Variants in CERT1 observed in about 807,000 individuals in gnomAD.
CERT1 encodes the protein ceramide transporter 1, also known as ceramide transfer protein.
In CERT1, 31 loss-of-function variants were observed where a neutral mutation model predicts 87.9. The ratio of observed to expected loss-of-function variants is 0.35; its 90% CI spans 0.27 to 0.48. The LOEUF is 0.48. Among genes scored for constraint, CERT1 ranks in the 20% least tolerant of loss-of-function variants. The probability of loss-of-function intolerance (pLI) is 0.99; values close to 1 mark genes in which losing one functional copy is unlikely to be tolerated. For missense variants in CERT1, 487 were observed against 758.0 expected, an observed-to-expected ratio of 0.64 and a Z score of 4.20; for synonymous variants, 289 against 250.9, an observed-to-expected ratio of 1.15 and a Z score of -1.44.
chr5:75,440,771 A>G (rs553991586), intron 3 of CERT1, among the ~76,000 whole-genome samples: 6 of 99,668 alleles, frequency 6.0e-5, no homozygotes, highest in African/African-American at 5.0e-4. Context: ...ATGACCATCC[A>G]AAGTAAAAAA....
chr5:75,443,681 C>T (rs1764414441), intron 3 of CERT1, among the ~76,000 whole-genome samples: 1 of 152,042 alleles, frequency 6.6e-6, no homozygotes, highest in African/African-American at 2.4e-5. Flanking sequence ...TCTTTTAGAC[C>T]TAGTTGGTAT....
At position 75,511,246 on chromosome 5, in the gene CERT1, C is replaced by A. The variant is rs751506112; in HGVS notation, c.-39G>T. On this transcript the variant is annotated 5_prime_UTR_variant, in exon 1 of 17. Transcript: ENST00000643780. Reference sequence around the variant, plus strand: ...CCGAGCAGGAGACCGGCCCCCGCTCCCTCAGCTGCGCCGGAGGAGGCGCCC... The same window carrying A: ...CCGAGCAGGAGACCGGCCCCCGCTCACTCAGCTGCGCCGGAGGAGGCGCCC... 8.7e-6 allele frequency: 14 copies of A among 1,606,966 alleles called. No homozygotes were observed. Among genetic ancestry groups the A allele is most frequent in the East Asian group, 6.7e-5 (3 of 44,588 alleles).
chr5:75,404,432 A>T (rs1053182461), intron 8 of CERT1, among the ~76,000 whole-genome samples: 1 of 152,162 alleles, frequency 6.6e-6, no homozygotes, highest in African/African-American at 2.4e-5. Flanking sequence ...AAAAATAGTA[A>T]CAACACCCTA....
intron 9 of CERT1, 182 bp from the exon 10 acceptor site, chr5:75,400,479 A>G: frequency 1.9e-6 from 1 of 525,030 alleles, no homozygotes; most frequent in South Asian, 3.1e-5. Flanking sequence ...CAGATATCCC[A>G]ATTTAACCTC....
chr5:75,487,237 A>G (rs976200761), intron 2 of CERT1, among the ~76,000 whole-genome samples: 3 of 152,094 alleles, frequency 2.0e-5, no homozygotes, highest in Non-Finnish European at 4.4e-5. Flanking sequence ...GGGAAAGGAC[A>G]GTCGCTTCAA....
At chr5:75,486,815 G>A (rs944868250) in intron 2 of CERT1, among the ~76,000 whole-genome samples, 2 of 151,938 alleles carry the variant, frequency 1.3e-5, no homozygotes, top group Admixed American at 6.6e-5. Flanking sequence ...ATAAAACAGC[G>A]ATTCAAGAAA....
chr5:75,469,768 A>G (rs1765630838), intron 2 of CERT1, among the ~76,000 whole-genome samples: 1 of 152,136 alleles, frequency 6.6e-6, no homozygotes, highest in South Asian at 2.1e-4. Context: ...AAATTCTCCA[A>G]TCAAAAGACA....
intron 3 of CERT1, among the ~76,000 whole-genome samples, chr5:75,434,078 A>C (rs1333304249): frequency 6.6e-6 from 1 of 151,880 alleles, no homozygotes; most frequent in East Asian, 1.9e-4. Flanking sequence ...TGGTTATCAC[A>C]GGGGGTACTT....
chr5:75,468,399 T>A (rs1003388626), intron 2 of CERT1, among the ~76,000 whole-genome samples: 2 of 152,102 alleles, frequency 1.3e-5, no homozygotes, highest in Non-Finnish European at 2.9e-5. Flanking sequence ...AAGAGAAGTG[T>A]AGGACTTTCC....
At chr5:75,461,364 C>T (rs545990350) in intron 2 of CERT1, among the ~76,000 whole-genome samples, 1 of 152,266 alleles carries the variant, frequency 6.6e-6, no homozygotes, top group East Asian at 1.9e-4. Flanking sequence ...GGTTGATGAT[C>T]TGAGGTGGAA....
rs141549057 is a variant in CERT1 at position 75,397,613 on chromosome 5, G to T, written c.1188+1697C>A. 7.7e-3 allele frequency among the ~76,000 whole-genome samples: 1,165 copies of T among 152,200 alleles called. 9 individuals carry two copies. The highest frequency in any genetic ancestry group is 0.013 in the Admixed American group (202 of 15,280). ...ATAGCCTATGTATTCCTGCATTTTT[G>T]ATTAGTCTGTGATATGATTTTAATG... On this transcript the variant is annotated intron_variant, in intron 11 of 16. Coordinates refer to ENST00000643780, the MANE Select transcript of CERT1 (RefSeq NM_001379029.1).
chr5:75,503,336 T>C (rs912745431), intron 2 of CERT1, among the ~76,000 whole-genome samples: 1 of 151,984 alleles, frequency 6.6e-6, no homozygotes, highest in Non-Finnish European at 1.5e-5. Flanking sequence ...TTACATTCTT[T>C]GTATTCTGAC....
At chr5:75,372,800 G>A (rs1363131331), downstream of CERT1, 1 of 152,178 alleles carries the variant, frequency 6.6e-6, no homozygotes, top group Admixed American at 6.5e-5. Flanking sequence ...GATATATACA[G>A]GACATGTTCC....
intron 9 of CERT1, chr5:75,401,195 T>C (rs530918085): frequency 2.0e-5 from 3 of 152,344 alleles, no homozygotes; most frequent in African/African-American, 7.2e-5. Flanking sequence ...CAATGACTAT[T>C]TTGCAGAGCA....
intron 4 of CERT1, 129 bp from the exon 5 acceptor site, chr5:75,425,628 C>G: frequency 1.3e-6 from 1 of 785,708 alleles, no homozygotes; most frequent in Non-Finnish European, 2.0e-6. Context: ...GGAGAGCTGT[C>G]TAGTTCAATA....
chr5:75,402,420 T>A (rs553089288), intron 9 of CERT1: 83 of 152,346 alleles, frequency 5.4e-4, no homozygotes, highest in African/African-American at 1.8e-3. Flanking sequence ...AAGTTCATGT[T>A]AATTACGCAT....
intron 2 of CERT1, among the ~76,000 whole-genome samples, chr5:75,493,023 G>C (rs1158647470): frequency 1.3e-5 from 2 of 152,240 alleles, no homozygotes; most frequent in East Asian, 3.9e-4. Context: ...TACTGCTCTG[G>C]AGATCACACT....
chr5:75,385,120 G>A (rs988529995), intron 13 of CERT1, among the ~76,000 whole-genome samples: 1 of 152,152 alleles, frequency 6.6e-6, no homozygotes, highest in South Asian at 2.1e-4. Flanking sequence ...ATAAACATCT[G>A]ATGATGTTGA....
intron 14 of CERT1, 63 bp from the exon 15 acceptor site, chr5:75,382,140 AT>A: frequency 6.9e-7 from 1 of 1,451,446 alleles, no homozygotes; most frequent in Non-Finnish European, 9.4e-7. Flanking sequence ...GAGAAACGTA[AT>A]GCCAATAAAT....
Sources: gnomAD v4.1 joint callset for allele counts (sites outside exome capture counted in the v4.1 genomes callset) on GRCh38, gnomAD v4.1.1 for gene constraint, MANE v1.5 for transcripts, NCBI Gene and HGNC (gene_info 2026-07-23, HGNC 2026-07-21) for gene names.